Variants in GRIK2 observed in about 807,000 individuals in gnomAD.
GRIK2 encodes glutamate ionotropic receptor kainate type subunit 2.
GRIK2 carries 32 observed loss-of-function variants against 100.3 expected under a neutral mutation model. The ratio of observed to expected loss-of-function variants is 0.32; its 90% CI spans 0.24 to 0.43. The LOEUF (loss-of-function observed/expected upper bound fraction) is 0.43, where lower values mean the gene tolerates loss of function less well. Among genes scored for constraint, GRIK2 ranks in the 20% least tolerant of loss-of-function variants. GRIK2 has a pLI of 1.00. For synonymous variants in GRIK2, 417 were observed against 389.4 expected, an observed-to-expected ratio of 1.07 and a Z score of -0.83; for missense variants, 843 against 1,114.9, an observed-to-expected ratio of 0.76 and a Z score of 3.47.
intron 2 of GRIK2, among the ~76,000 whole-genome samples, chr6:101,466,306 ATTTTATT>A (rs944986572): frequency 1.3e-5 from 2 of 151,058 alleles, no homozygotes; most frequent in Non-Finnish European, 3.0e-5. Flanking sequence ...ATATAATTCT[ATTTTATT>A]TTTTATTATA....
At chr6:101,876,927 TAC>T (rs1785892444) in intron 11 of GRIK2, among the ~76,000 whole-genome samples, 4 of 152,064 alleles carry the variant, frequency 2.6e-5, no homozygotes, top group African/African-American at 7.2e-5. Flanking sequence ...TACATCTCTA[TAC>T]ATAAGCTTCT....
At chr6:101,692,969 ATTTC>A (rs1216222590) in intron 7 of GRIK2, among the ~76,000 whole-genome samples, 1 of 152,042 alleles carries the variant, frequency 6.6e-6, no homozygotes, top group African/African-American at 2.4e-5. Context: ...ATGGCACTAT[ATTTC>A]TTTATTTTAT....
chr6:101,552,428 G>C (rs753486140), intron 2 of GRIK2, among the ~76,000 whole-genome samples: 1 of 152,032 alleles, frequency 6.6e-6, no homozygotes, highest in African/African-American at 2.4e-5. Flanking sequence ...ATATTTTCCT[G>C]CTTTTGCTTT....
intron 2 of GRIK2, among the ~76,000 whole-genome samples, chr6:101,541,741 A>C (rs1231718856): frequency 1.4e-5 from 2 of 147,910 alleles, no homozygotes; most frequent in African/African-American, 4.9e-5. Flanking sequence ...GCAATTTAGC[A>C]AGCTGCTGAC....
At chr6:101,537,552 A>G (rs1291388111) in intron 2 of GRIK2, among the ~76,000 whole-genome samples, 1 of 151,502 alleles carries the variant, frequency 6.6e-6, no homozygotes, top group African/African-American at 2.4e-5. Flanking sequence ...TTATTTATCT[A>G]TGTTCCAGTG....
chr6:101,685,351 G>T (rs1319492421), intron 6 of GRIK2, among the ~76,000 whole-genome samples: 2 of 152,128 alleles, frequency 1.3e-5, no homozygotes, highest in African/African-American at 4.8e-5. Flanking sequence ...GTAGCTGTAT[G>T]AGTCTGAGGC....
intron 7 of GRIK2, among the ~76,000 whole-genome samples, chr6:101,776,038 G>T (rs1372132724): frequency 6.6e-6 from 1 of 152,126 alleles, no homozygotes; most frequent in Admixed American, 6.5e-5. Flanking sequence ...CTGTGTAAGA[G>T]GAGGCAAAAG....
chr6:101,717,930 C>T (rs1043592859), intron 7 of GRIK2, among the ~76,000 whole-genome samples: 1 of 151,644 alleles, frequency 6.6e-6, no homozygotes, highest in Non-Finnish European at 1.5e-5. Context: ...TAGCTAGTTC[C>T]TATAAGTTAC....
intron 11 of GRIK2, among the ~76,000 whole-genome samples, chr6:101,878,967 T>C (rs1786060049): frequency 6.6e-6 from 1 of 152,038 alleles, no homozygotes; most frequent in Non-Finnish European, 1.5e-5. Flanking sequence ...TTAACACTGC[T>C]TATAAAGCAT....
chr6:101,620,484 C>A (rs1307054886), intron 2 of GRIK2, among the ~76,000 whole-genome samples: 1 of 152,040 alleles, frequency 6.6e-6, no homozygotes, highest in Admixed American at 6.6e-5. Flanking sequence ...TGCCTCACCC[C>A]TCTAGTCTAT....
At chr6:101,871,768 C>T (rs892486538) in intron 11 of GRIK2, among the ~76,000 whole-genome samples, 1 of 151,896 alleles carries the variant, frequency 6.6e-6, no homozygotes, top group South Asian at 2.1e-4. Flanking sequence ...TTTTCTTTAT[C>T]CAATCCATTG....
intron 2 of GRIK2, among the ~76,000 whole-genome samples, chr6:101,487,715 A>C (rs1772902292): frequency 6.8e-6 from 1 of 146,546 alleles, no homozygotes; most frequent in Admixed American, 6.8e-5. Flanking sequence ...TCACTCAACA[A>C]ATATTTATCA....
At chr6:101,452,169 G>A (rs1770736619) in intron 2 of GRIK2, among the ~76,000 whole-genome samples, 1 of 151,802 alleles carries the variant, frequency 6.6e-6, no homozygotes, top group Admixed American at 6.6e-5. Context: ...TCTAAGAGAA[G>A]CATACGGATC....
chr6:101,440,902 T>G (rs994497813), intron 2 of GRIK2, among the ~76,000 whole-genome samples: 28 of 148,296 alleles, frequency 1.9e-4, no homozygotes, highest in African/African-American at 6.2e-4. Flanking sequence ...TTTTTTTTTT[T>G]GTTTTTTGTT....
chr6:101,551,152 C>T (rs929041706), intron 2 of GRIK2, among the ~76,000 whole-genome samples: 1 of 152,050 alleles, frequency 6.6e-6, no homozygotes, highest in Non-Finnish European at 1.5e-5. Context: ...TTTTTAGAAA[C>T]CAGTCAGAAT....
At chr6:101,511,364 A>G (rs1269656363) in intron 2 of GRIK2, among the ~76,000 whole-genome samples, 1 of 152,078 alleles carries the variant, frequency 6.6e-6, no homozygotes, top group African/African-American at 2.4e-5. Context: ...GATCTTTAAG[A>G]TGCCTTACAG....
intron 2 of GRIK2, among the ~76,000 whole-genome samples, chr6:101,486,814 GTCTC>G (rs1293572359): frequency 2.0e-5 from 3 of 146,758 alleles, no homozygotes; most frequent in Non-Finnish European, 3.0e-5. Flanking sequence ...ATTTACAAGT[GTCTC>G]TCTCAGTAAC....
intron 2 of GRIK2, among the ~76,000 whole-genome samples, chr6:101,587,895 A>G (rs1281841591): frequency 6.6e-6 from 1 of 152,146 alleles, no homozygotes; most frequent in Non-Finnish European, 1.5e-5. Context: ...GAAGAAATTG[A>G]AACTAGGTGG....
At chr6:101,740,696 C>T (rs1471223015) in intron 7 of GRIK2, among the ~76,000 whole-genome samples, 7 of 152,152 alleles carry the variant, frequency 4.6e-5, no homozygotes, top group Admixed American at 4.6e-4. Flanking sequence ...TGGCTCCAGC[C>T]AGCCTCTGCT....
Sources: gnomAD v4.1 joint callset for allele counts (sites outside exome capture counted in the v4.1 genomes callset) on GRCh38, gnomAD v4.1.1 for gene constraint, MANE v1.5 for transcripts, NCBI Gene and HGNC (gene_info 2026-07-23, HGNC 2026-07-21) for gene names.